Variants in PTP4A2 observed in about 807,000 individuals in gnomAD.
PTP4A2 encodes protein tyrosine phosphatase type IVA 2.
In PTP4A2, 2 loss-of-function variants were observed where a neutral mutation model predicts 22.9. The ratio of observed to expected loss-of-function variants is 0.09; its 90% CI spans 0.04 to 0.27. PTP4A2 has a LOEUF of 0.27. Ranked by LOEUF, PTP4A2 falls within the 10% of genes least tolerant of loss-of-function variation. PTP4A2 has a pLI of 1.00. For synonymous variants in PTP4A2, 68 were observed against 69.1 expected, an observed-to-expected ratio of 0.98 and a Z score of 0.08; for missense variants, 103 against 205.1, an observed-to-expected ratio of 0.50 and a Z score of 3.04.
At chr1:31,933,685 T>G (rs537224727) in intron 1 of PTP4A2, 1 of 152,370 alleles carries the variant, frequency 6.6e-6, no homozygotes, top group Non-Finnish European at 1.5e-5. Context: ...GTTGCACCAC[T>G]GCACTCCAGC....
rs1651372973 is a variant in PTP4A2 at position 31,908,732 on chromosome 1, G to A, written c.*120C>T. ...TGTTCCAATCATTAGGAGAGTGGTT[G>A]AGGAGTACTGAATCCATCACTACTT... On this transcript the variant is annotated 3_prime_UTR_variant, in exon 6 of 6. Transcript: ENST00000647444. The A allele has an allele frequency of 1.5e-6, 1 of 650,178 alleles. No homozygotes were observed. The highest frequency in any genetic ancestry group is 1.9e-5 in the African/African-American group (1 of 53,930). The allele number at this position is 650,178 out of a possible 1,614,324, so 40.3% of individuals were successfully genotyped here. A position where few individuals can be genotyped will look rare whatever the true frequency, so the allele number is the denominator to read the frequency against.
chr1:31,924,175 A>G (rs1488944112), intron 1 of PTP4A2: 2 of 152,210 alleles, frequency 1.3e-5, no homozygotes, highest in Non-Finnish European at 2.9e-5. Flanking sequence ...TCTGCTCAGC[A>G]AACAGAACAA....
intron 1 of PTP4A2, among the ~76,000 whole-genome samples, chr1:31,926,166 A>G (rs1335308278): frequency 2.0e-5 from 3 of 147,230 alleles, no homozygotes; most frequent in African/African-American, 7.4e-5. Context: ...ATATATATAT[A>G]TATTTATCTC....
In PTP4A2 at chr1:31,911,880, C is replaced by T. The variant is rs935355635; in HGVS notation, c.190-54G>A. Reference sequence around the variant, plus strand: ...TTGATATTTTCTCCATGATTAACATCCTAATACAGAATACCTGCACACAGT... The same window carrying T: ...TTGATATTTTCTCCATGATTAACATTCTAATACAGAATACCTGCACACAGT... On this transcript the variant is annotated intron_variant, in intron 3 of 5. Transcript: ENST00000647444. 3 of 1,414,322 alleles carry T rather than the reference C, an allele frequency of 2.1e-6. No homozygotes were observed. The African/African-American group carries it at 4.3e-5, about 20-fold the overall frequency. 87.6% of individuals were successfully genotyped at this position (1,414,322 alleles called of 1,614,324 possible).
chr1:31,936,411 CA>C (rs546013145), intron 1 of PTP4A2, among the ~76,000 whole-genome samples: 3 of 145,008 alleles, frequency 2.1e-5, no homozygotes, highest in Middle Eastern at 3.5e-3. Flanking sequence ...CAAAAACAAA[CA>C]AAAAAAAAAC....
intron 3 of PTP4A2, among the ~76,000 whole-genome samples, chr1:31,915,250 T>C (rs1651762568): frequency 6.6e-6 from 1 of 152,308 alleles, no homozygotes; most frequent in Non-Finnish European, 1.5e-5. Context: ...AGAGCACAAA[T>C]GAACAAAACT....
chr1:31,925,480 C>A (rs531989019), intron 1 of PTP4A2, among the ~76,000 whole-genome samples: 4 of 152,316 alleles, frequency 2.6e-5, no homozygotes, highest in Admixed American at 2.6e-4. Flanking sequence ...AGAGGCCGGG[C>A]GCCGTGGCTC....
At chr1:31,920,982 T>C (rs954208651) in intron 1 of PTP4A2, among the ~76,000 whole-genome samples, 1 of 152,216 alleles carries the variant, frequency 6.6e-6, no homozygotes, top group African/African-American at 2.4e-5. Flanking sequence ...GAGGATTTTA[T>C]TCTTTCTATC....
chr1:31,918,944 A>G (rs765281685), intron 2 of PTP4A2, 26 bp downstream of exon 2: 1 of 1,309,462 alleles, frequency 7.6e-7, no homozygotes, highest in Non-Finnish European at 1.1e-6. Flanking sequence ...AATCAATCCA[A>G]AAAGTAGACC....
rs199526338 is a variant in PTP4A2, at chr1:31,906,786, A to T, written c.*2066T>A. 3 of 82,860 alleles carry T rather than the reference A, an allele frequency of 3.6e-5. No homozygotes were observed. The highest frequency in any genetic ancestry group is 5.0e-5 in the Non-Finnish European group (2 of 39,716). 5.1% of individuals were successfully genotyped at this position (82,860 alleles called of 1,614,324 possible). A position where few individuals can be genotyped will look rare whatever the true frequency, so the allele number is the denominator to read the frequency against. ...CACACACACACACACACACACACAC[A>T]CCCCCTCCCCCCAAACAACAAAATT... On this transcript the variant is annotated 3_prime_UTR_variant, in exon 6 of 6. Coordinates refer to ENST00000647444, the MANE Select transcript of PTP4A2 (RefSeq NM_080391.4).
At chr1:31,913,694 T>C (rs879233003) in intron 3 of PTP4A2, 2 of 390,062 alleles carry the variant, frequency 5.1e-6, no homozygotes, top group South Asian at 3.8e-5. Flanking sequence ...AAAACCTAAA[T>C]TTAAAGGCCT....
chr1:31,918,420 G>A (rs188347234), intron 2 of PTP4A2, among the ~76,000 whole-genome samples: 2 of 152,282 alleles, frequency 1.3e-5, no homozygotes. Context: ...GAAGTAGTCT[G>A]GGGGTGCCTT....
intron 2 of PTP4A2, 60 bp from the exon 3 acceptor site, chr1:31,916,047 A>G: frequency 8.4e-7 from 1 of 1,192,430 alleles, no homozygotes; most frequent in Non-Finnish European, 1.2e-6. Flanking sequence ...CCAAAAATGT[A>G]GAAATGTACT....
intron 3 of PTP4A2, among the ~76,000 whole-genome samples, chr1:31,915,030 G>A (rs1432555176): frequency 6.6e-6 from 1 of 152,092 alleles, no homozygotes; most frequent in African/African-American, 2.4e-5. Context: ...AACTAATCTT[G>A]TACTTGCAAA....
chr1:31,916,076 TGGTTCACGC>T (rs1326057716), intron 2 of PTP4A2, 89 bp from the exon 3 acceptor site: 20 of 848,860 alleles, frequency 2.4e-5, no homozygotes, highest in Non-Finnish European at 3.3e-5. Context: ...CCGGGCGGGG[TGGTTCACGC>T]CTATAATCCC....
At chr1:31,924,778 A>G (rs1305461484) in intron 1 of PTP4A2, among the ~76,000 whole-genome samples, 3 of 152,370 alleles carry the variant, frequency 2.0e-5, no homozygotes, top group Admixed American at 1.3e-4. Context: ...AATTTGGGAT[A>G]TTTCCATTTC....
At chr1:31,936,391 G>A (rs1241608692) in intron 1 of PTP4A2, among the ~76,000 whole-genome samples, 1 of 151,346 alleles carries the variant, frequency 6.6e-6, no homozygotes. Context: ...AACAGAGCGA[G>A]ACTCCATCTC....
rs1203308702 is a variant in PTP4A2, at chr1:31,919,363, T to TA, written c.-299dup. On this transcript the variant is annotated 5_prime_UTR_variant, in exon 2 of 6. Coordinates refer to ENST00000647444, the MANE Select transcript of PTP4A2 (RefSeq NM_080391.4). ...CTACATACAAAACTTAAGCAGCCTT[T>TA]ACTACATTTAGGCACTAGTGAGACA... 1 of 190,394 alleles carries TA rather than the reference T, an allele frequency of 5.3e-6. No individual in the cohort carries two copies. The highest frequency in any genetic ancestry group is 2.4e-5 in the African/African-American group (1 of 42,120). The allele number at this position is 190,394 out of a possible 1,614,324, so 11.8% of individuals were successfully genotyped here.
chr1:31,927,054 C>T (rs1289276438), intron 1 of PTP4A2, among the ~76,000 whole-genome samples: 1 of 151,956 alleles, frequency 6.6e-6, no homozygotes, highest in Middle Eastern at 3.2e-3. Context: ...TGAATAGAGT[C>T]AGAGAAATAA....
Sources: gnomAD v4.1 joint callset for allele counts (sites outside exome capture counted in the v4.1 genomes callset) on GRCh38, gnomAD v4.1.1 for gene constraint, MANE v1.5 for transcripts, NCBI Gene and HGNC (gene_info 2026-07-23, HGNC 2026-07-21) for gene names.